Variants in AHDC1 observed in about 807,000 individuals in gnomAD.
AHDC1 encodes the protein AT-hook DNA binding motif containing 1.
Under a neutral mutation model 87.9 loss-of-function variants are expected in AHDC1, and 7 were observed. The ratio of observed to expected loss-of-function variants is 0.08; its 90% CI spans 0.05 to 0.15. The LOEUF is 0.15. Ranked by LOEUF, AHDC1 falls within the 10% of genes least tolerant of loss-of-function variation. The pLI, the probability that AHDC1 is intolerant of heterozygous loss-of-function variation, is 1.00. For missense variants in AHDC1, 1,841 were observed against 2,253.2 expected (o/e 0.82, Z 3.70); for synonymous variants, 1,051 against 1,006.8 (o/e 1.04, Z -0.83).
Position 27,549,979 on chromosome 1 carries a change from C to G in AHDC1, c.2137G>C (p.Gly713Arg). ...CCCAACTCAGTAAGGCCCGGGCCCCCGACCCCAGCGGCTGCCACGGCCACC... is the reference window on the plus strand; with the variant it reads ...CCCAACTCAGTAAGGCCCGGGCCCCGGACCCCAGCGGCTGCCACGGCCACC... ...KVVAVAAAGV[G>R]GPGLTELGHP... Residue 713 changes from glycine to arginine, a missense_variant, in exon 8 of 9, where the codon GGG (glycine) becomes CGG (arginine). Physicochemically the swap from Gly to Arg is moderately radical, Grantham distance 125 (BLOSUM62 -2). Coordinates refer to ENST00000673934, the MANE Select transcript of AHDC1 (RefSeq NM_001371928.1). 6.2e-7 allele frequency: 1 copy of G among 1,604,322 alleles called. No individual in the cohort carries two copies. The highest frequency in any genetic ancestry group is 8.5e-7 in the Non-Finnish European group (1 of 1,174,236).
At chr1:27,557,316 C>T (rs1168559801) in intron 5 of AHDC1, among the ~76,000 whole-genome samples, 2 of 151,188 alleles carry the variant, frequency 1.3e-5, no homozygotes, top group Non-Finnish European at 3.0e-5. Context: ...CTTGTCTTTC[C>T]TTCTGTCTCC....
intron 3 of AHDC1, among the ~76,000 whole-genome samples, chr1:27,579,270 T>C (rs1410878203): frequency 1.3e-5 from 2 of 152,056 alleles, no homozygotes; most frequent in Non-Finnish European, 2.9e-5. Flanking sequence ...GTCTTGTGGG[T>C]TCTGGCTTTG....
At chr1:27,587,645 G>GA (rs1205232794) in intron 3 of AHDC1, among the ~76,000 whole-genome samples, 1 of 152,164 alleles carries the variant, frequency 6.6e-6, no homozygotes, top group African/African-American at 2.4e-5. Context: ...TGTAGACTAA[G>GA]AAAAGAGTCT....
chr1:27,579,906 G>C (rs1049078736), intron 3 of AHDC1, among the ~76,000 whole-genome samples: 6 of 152,184 alleles, frequency 3.9e-5, no homozygotes, highest in African/African-American at 1.4e-4. Context: ...CCATGGCCTA[G>C]TCTAATCTAG....
Position 27,551,442 on chromosome 1 carries a change from A to G in AHDC1, c.674T>C (p.Leu225Pro). The change falls in exon 8 of 9, where the codon CTG (leucine) becomes CCG (proline). Residue 225 changes from leucine to proline, a missense_variant. This residue lies in a region of AHDC1 where 370 missense variants were observed against 391.5 expected (regional missense o/e 0.95). Transcript: ENST00000673934. ...GCTGTCTGGCTCAGGCTCTGGGGGC[A>G]GACCCGTGGCCGCAGCCGTGGCTCC... ...SPGATAAATGLPPEPEPDSTD... is the reference protein window; with the variant it reads ...SPGATAAATGPPPEPEPDSTD... 6.2e-7 allele frequency: 1 copy of G among 1,612,662 alleles called. No homozygotes were observed. Among genetic ancestry groups the G allele is most frequent in the Non-Finnish European group, 8.5e-7 (1 of 1,179,840 alleles).
intron 3 of AHDC1, among the ~76,000 whole-genome samples, chr1:27,576,828 C>T (rs2088766356): frequency 6.6e-6 from 1 of 152,192 alleles, no homozygotes; most frequent in South Asian, 2.1e-4. Flanking sequence ...ACCCTTACAA[C>T]AGTGGAGGCT....
chr1:27,596,532 G>A (rs1166715555), intron 3 of AHDC1, among the ~76,000 whole-genome samples: 1 of 152,052 alleles, frequency 6.6e-6, no homozygotes, highest in Non-Finnish European at 1.5e-5. Context: ...TGCTTGTGCT[G>A]GATGTTCCTG....
intron 5 of AHDC1, among the ~76,000 whole-genome samples, chr1:27,555,324 G>C (rs2019768916): frequency 6.6e-6 from 1 of 152,240 alleles, no homozygotes; most frequent in Non-Finnish European, 1.5e-5. Flanking sequence ...TGAGGAAACT[G>C]AGACTTGAAG....
At chr1:27,536,856 C>T (rs558971369) in intron 8 of AHDC1, among the ~76,000 whole-genome samples, 1 of 151,728 alleles carries the variant, frequency 6.6e-6, no homozygotes, top group Admixed American at 6.6e-5. Context: ...ATCCCTGCAC[C>T]CCCACCCCCA....
rs539573277 is a variant in AHDC1 at position 27,589,514 on chromosome 1, A to G, written c.-629+13883T>C. On this transcript the variant is annotated intron_variant, in intron 3 of 8. Transcript: ENST00000673934. ...AGCATCCTGCTGGACTACTGTTTGC[A>G]TTTGTGGGTCCATGCGGCCTTGGTG... Among the ~76,000 whole-genome samples, 33 of 152,202 alleles carry G rather than the reference A, an allele frequency of 2.2e-4. 1 individual carries two copies. The highest frequency in any genetic ancestry group is 7.7e-4 in the African/African-American group (32 of 41,518).
Position 27,565,062 on chromosome 1 carries a change from C to T in AHDC1, c.-628-6179G>A, listed in dbSNP as rs1230068460. On this transcript the variant is annotated intron_variant, in intron 3 of 8. Coordinates refer to ENST00000673934, the MANE Select transcript of AHDC1 (RefSeq NM_001371928.1). This position sits in a 1 kb window ranked among gnomAD's most constrained non-coding sequence, Gnocchi z 4.6. ...GGGGGCCCTGGGGGACTGAGTAAAG[C>T]GTGGCGACAGATGGCCTGCCGAGGC... Among the ~76,000 whole-genome samples, 2 of 152,182 alleles carry T rather than the reference C, an allele frequency of 1.3e-5. No individual in the cohort carries two copies. The highest frequency in any genetic ancestry group is 2.9e-5 in the Non-Finnish European group (2 of 68,010).
In AHDC1 at chr1:27,562,993, G is replaced by T. The variant is rs1571272831; in HGVS notation, c.-628-4110C>A. ...CTCCAAACATGAGATGGGCACACCT[G>T]ACACACCCTCGACAGCATGGGGCAG... On this transcript the variant is annotated intron_variant, in intron 3 of 8. Transcript: ENST00000673934. This position sits in a 1 kb window ranked among gnomAD's most constrained non-coding sequence, Gnocchi z 4.4. Among the ~76,000 whole-genome samples the T allele has an allele frequency of 6.6e-6, 1 of 152,060 alleles. No homozygotes were observed. The highest frequency in any genetic ancestry group is 3.2e-3 in the Middle Eastern group (1 of 316).
intron 3 of AHDC1, among the ~76,000 whole-genome samples, chr1:27,579,236 A>G (rs1267524557): frequency 1.3e-5 from 2 of 152,022 alleles, no homozygotes; most frequent in African/African-American, 4.8e-5. Flanking sequence ...GGGCCTCACT[A>G]CGTTGCCCAG....
At chr1:27,575,110 CAAGA>C (rs1006552357) in intron 3 of AHDC1, among the ~76,000 whole-genome samples, 46 of 152,328 alleles carry the variant, frequency 3.0e-4, no homozygotes, top group Admixed American at 5.9e-4. Context: ...CTGGCTGGAG[CAAGA>C]AGCTCCAGTC....
At chr1:27,544,284 AGAGGGCTGACTTCT>A (rs1190860706) in intron 8 of AHDC1, among the ~76,000 whole-genome samples, 1 of 152,190 alleles carries the variant, frequency 6.6e-6, no homozygotes, top group Non-Finnish European at 1.5e-5. Context: ...TCAAGGGGGC[AGAGGGCTGACTTCT>A]GACCACAACA....
rs1202256053 is a variant in AHDC1 at position 27,549,200 on chromosome 1, G to A, written c.2916C>T (p.Gly972=). ...ATACGCTTTGTCCGGCCCCATAGCCGCCGTACTGGGGCAGGTAGGTGTTGG... is the reference window on the plus strand; with the variant it reads ...ATACGCTTTGTCCGGCCCCATAGCCACCGTACTGGGGCAGGTAGGTGTTGG... ...PPANTYLPQY[G]GYGAGQSVFA... Residue 972 remains glycine, a synonymous_variant, in exon 8 of 9, where the codon GGC becomes GGT. Coordinates refer to ENST00000673934, the MANE Select transcript of AHDC1 (RefSeq NM_001371928.1). 8.1e-6 allele frequency: 13 copies of A among 1,596,960 alleles called. No homozygotes were observed. Among genetic ancestry groups the A allele is most frequent in the South Asian group, 4.5e-5 (4 of 89,442 alleles).
At chr1:27,596,476 T>C (rs1471725394) in intron 3 of AHDC1, among the ~76,000 whole-genome samples, 1 of 152,014 alleles carries the variant, frequency 6.6e-6, no homozygotes, top group Non-Finnish European at 1.5e-5. Flanking sequence ...CTTGTGCATC[T>C]GTGTGGGTCA....
intron 3 of AHDC1, among the ~76,000 whole-genome samples, chr1:27,600,462 CAAA>C (rs933187847): frequency 8.2e-6 from 1 of 121,232 alleles, no homozygotes. Flanking sequence ...TTCTACAAAC[CAAA>C]AAAAAAAAAC....
At chr1:27,538,629 C>T (rs974297252) in intron 8 of AHDC1, among the ~76,000 whole-genome samples, 9 of 151,774 alleles carry the variant, frequency 5.9e-5, no homozygotes, top group African/African-American at 2.2e-4. Context: ...ATCCTCCCAT[C>T]TCAGCACCTT....
Sources: gnomAD v4.1 joint callset for allele counts (sites outside exome capture counted in the v4.1 genomes callset) on GRCh38, gnomAD v4.1.1 for gene constraint, gnomAD v4.1.1 regional missense constraint, Gnocchi (gnomAD v3.1) non-coding constraint, MANE v1.5 for transcripts, NCBI Gene and HGNC (gene_info 2026-07-23, HGNC 2026-07-21) for gene names.